The following LTBP1 variants were observed in gnomAD, a reference collection of about 807,000 sequenced individuals.
LTBP1 encodes the protein latent-transforming growth factor beta-binding protein 1.
A neutral mutation model predicts 207.6 loss-of-function variants in LTBP1; 129 were observed. The ratio of observed to expected loss-of-function variants is 0.62; its 90% CI spans 0.54 to 0.72. LTBP1 has a LOEUF of 0.72. LTBP1 is among the 30% of genes least tolerant of loss of function. The pLI is 0.00. For missense variants in LTBP1, 2,281 were observed against 2,217.2 expected (o/e 1.03, Z -0.58); for synonymous variants, 963 against 833.7 (o/e 1.16, Z -2.67).
At chr2:33,023,899 A>G (rs987859895) in intron 3 of LTBP1, among the ~76,000 whole-genome samples, 7 of 152,234 alleles carry the variant, frequency 4.6e-5, no homozygotes, top group Admixed American at 2.0e-4. Flanking sequence ...ACAATCCTTA[A>G]GTTATCTTTC....
intron 4 of LTBP1, among the ~76,000 whole-genome samples, chr2:33,122,995 C>T (rs190635123): frequency 1.3e-5 from 2 of 152,320 alleles, no homozygotes; most frequent in African/African-American, 4.8e-5. Context: ...TTACACAAAG[C>T]ACCAAAGCTT....
At chr2:33,088,555 G>A (rs1421609314) in intron 3 of LTBP1, among the ~76,000 whole-genome samples, 3 of 152,166 alleles carry the variant, frequency 2.0e-5, no homozygotes, top group Non-Finnish European at 4.4e-5. Context: ...GCCTGCATGT[G>A]TTCCGCTCTG....
At position 33,262,790 on chromosome 2, in the gene LTBP1, T is replaced by G; in HGVS notation, c.2487T>G (p.Ile829Met). ...GTCAACCCCAGCTGTCTCCAGGCATTTCCACTATTCATCTGCATCCACAGT... is the reference window on the plus strand; with the variant it reads ...GTCAACCCCAGCTGTCTCCAGGCATGTCCACTATTCATCTGCATCCACAGT... Reference protein sequence around the residue: ...EPGQPQLSPGISTIHLHPQFP... With the variant: ...EPGQPQLSPGMSTIHLHPQFP... The change falls in exon 14 of 34, where the codon ATT (isoleucine) becomes ATG (methionine). Residue 829 changes from isoleucine (I) to methionine (M), a missense_variant. Ile to Met is a conservative substitution (Grantham distance 10). Transcript: ENST00000404816. 1 of 1,606,796 alleles carries G rather than the reference T, an allele frequency of 6.2e-7. No individual in the cohort carries two copies. The highest frequency in any genetic ancestry group is 8.5e-7 in the Non-Finnish European group (1 of 1,175,472).
intron 24 of LTBP1, among the ~76,000 whole-genome samples, chr2:33,328,880 T>G (rs1559020554): frequency 6.6e-6 from 1 of 152,234 alleles, no homozygotes; most frequent in Non-Finnish European, 1.5e-5. Context: ...TTTTCATTGC[T>G]ATATAGTATT....
chr2:33,257,541 G>T (rs775881836), intron 12 of LTBP1, 30 bp downstream of exon 12: 3 of 1,555,856 alleles, frequency 1.9e-6, no homozygotes, highest in Non-Finnish European at 2.7e-6. Context: ...ATGGACTCTA[G>T]ACATCTATCT....
chr2:33,089,741 G>A (rs2078973631), intron 3 of LTBP1, among the ~76,000 whole-genome samples: 1 of 152,184 alleles, frequency 6.6e-6, no homozygotes. Context: ...TATGGTTCCT[G>A]ACGTAAATTA....
At position 33,398,644 on chromosome 2, in the gene LTBP1, T is replaced by G; in HGVS notation, c.*99T>G. 8.4e-7 allele frequency: 1 copy of G among 1,196,178 alleles called. No individual in the cohort carries two copies. Among genetic ancestry groups the G allele is most frequent in the Non-Finnish European group, 1.1e-6 (1 of 871,906 alleles). The allele number at this position is 1,196,178 out of a possible 1,614,324, so 74.1% of individuals were successfully genotyped here. ...AGACATTGCACCTACCCCGGAAGGC[T>G]GGAAATACAGAAACAGCATGGAATT... is the stretch of plus-strand genomic sequence containing the variant. On this transcript the variant is annotated 3_prime_UTR_variant, in exon 34 of 34. Transcript: ENST00000404816.
At chr2:33,164,605 T>C (rs2084764149) in intron 5 of LTBP1, among the ~76,000 whole-genome samples, 1 of 152,164 alleles carries the variant, frequency 6.6e-6, no homozygotes, top group Non-Finnish European at 1.5e-5. Context: ...TCATTTCTTA[T>C]TTTGATGTCA....
chr2:32,989,285 A>G (rs1258571698), intron 2 of LTBP1, among the ~76,000 whole-genome samples: 1 of 152,248 alleles, frequency 6.6e-6, no homozygotes, highest in Non-Finnish European at 1.5e-5. Flanking sequence ...GCCGAAATGA[A>G]TTTATAAATA....
intron 3 of LTBP1, among the ~76,000 whole-genome samples, chr2:33,074,267 G>A (rs1356280685): frequency 6.6e-6 from 1 of 152,214 alleles, no homozygotes; most frequent in East Asian, 1.9e-4. Context: ...GGGCTGATCT[G>A]CCCAAATGCA....
chr2:32,986,259 A>G (rs13419642), intron 2 of LTBP1, among the ~76,000 whole-genome samples: 4 of 151,972 alleles, frequency 2.6e-5, no homozygotes, highest in Non-Finnish European at 5.9e-5. Flanking sequence ...TGGTGAGGAG[A>G]TGGATGGACT....
intron 2 of LTBP1, among the ~76,000 whole-genome samples, chr2:32,986,210 C>T (rs372177253): frequency 6.6e-6 from 1 of 152,068 alleles, no homozygotes; most frequent in South Asian, 2.1e-4. Flanking sequence ...CTCTTAGCAG[C>T]CAGGGCAGAG....
chr2:33,329,839 T>A (rs1229490397), intron 24 of LTBP1, among the ~76,000 whole-genome samples: 3 of 152,112 alleles, frequency 2.0e-5, no homozygotes, highest in Non-Finnish European at 4.4e-5. Flanking sequence ...TCAATTCTGT[T>A]CTTGAGATTG....
intron 7 of LTBP1, among the ~76,000 whole-genome samples, chr2:33,215,217 A>G (rs1051308955): frequency 7.2e-5 from 11 of 152,156 alleles, no homozygotes; most frequent in Admixed American, 1.3e-4. Flanking sequence ...AGCATTGCAC[A>G]TGCCTTTTTT....
At chr2:33,317,558 G>C in intron 24 of LTBP1, 1 of 152,228 alleles carries the variant, frequency 6.6e-6, no homozygotes, top group East Asian at 1.9e-4. Context: ...GACAAAGCCA[G>C]CTCATGTGAT....
At chr2:33,242,342 A>C (rs1314903105) in intron 9 of LTBP1, among the ~76,000 whole-genome samples, 1 of 152,160 alleles carries the variant, frequency 6.6e-6, no homozygotes, top group Non-Finnish European at 1.5e-5. Context: ...CACTTCATTT[A>C]TATCTCTCCT....
At chr2:33,394,671 T>C (rs545239370) in intron 32 of LTBP1, among the ~76,000 whole-genome samples, 31 of 152,246 alleles carry the variant, frequency 2.0e-4, no homozygotes, top group Admixed American at 1.2e-3. Flanking sequence ...TGTATCTGTG[T>C]TTTGGTACGA....
intron 26 of LTBP1, among the ~76,000 whole-genome samples, chr2:33,358,250 G>T (rs2094887847): frequency 6.6e-6 from 1 of 151,838 alleles, no homozygotes; most frequent in Non-Finnish European, 1.5e-5. Flanking sequence ...AATAATTATA[G>T]TTACATTATT....
At chr2:33,120,937 C>T (rs1455060272) in intron 4 of LTBP1, among the ~76,000 whole-genome samples, 1 of 152,186 alleles carries the variant, frequency 6.6e-6, no homozygotes, top group East Asian at 1.9e-4. Flanking sequence ...CTCAGACTTA[C>T]ATGCAGTTTC....
Sources: allele counts gnomAD v4.1 joint callset (sites outside exome capture counted in the v4.1 genomes callset), GRCh38; gene constraint gnomAD v4.1.1; transcripts MANE v1.5; gene names NCBI Gene and HGNC (gene_info 2026-07-23, HGNC 2026-07-21).